Variants in ELAPOR2 observed in about 807,000 individuals in gnomAD.
ELAPOR2 encodes endosome-lysosome associated apoptosis and autophagy regulator family member 2.
Under a neutral mutation model 120.7 loss-of-function variants are expected in ELAPOR2, and 89 were observed. That is an observed-to-expected ratio of 0.74 (90% CI 0.62 to 0.88). ELAPOR2 has a LOEUF of 0.88. Among genes scored for constraint, ELAPOR2 ranks in the 40% least tolerant of loss-of-function variants. The pLI is 0.00. For missense variants in ELAPOR2, 1,134 were observed against 1,251.6 expected, an observed-to-expected ratio of 0.91 and a Z score of 1.42; for synonymous variants, 444 against 444.9, an observed-to-expected ratio of 1.00 and a Z score of 0.03.
In ELAPOR2 at chr7:86,897,501, C is replaced by T. The variant is rs1562904293; in HGVS notation, c.2685+5G>A. Reference sequence around the variant, plus strand: ...GAAGCTCTGCCTTGAGAGTTTATCCCTTACCTGAAATCCTCTCTTGCAGGC... The same window carrying T: ...GAAGCTCTGCCTTGAGAGTTTATCCTTTACCTGAAATCCTCTCTTGCAGGC... On this transcript the variant is annotated splice_donor_5th_base_variant and intron_variant, in intron 19 of 21. Transcript: ENST00000450689. The T allele has an allele frequency of 1.2e-6, 2 of 1,611,804 alleles. No individual in the cohort carries two copies. The highest frequency in any genetic ancestry group is 1.7e-6 in the Non-Finnish European group (2 of 1,178,832).
intron 2 of ELAPOR2, among the ~76,000 whole-genome samples, chr7:86,962,903 TAA>T (rs1429108404): frequency 6.6e-6 from 1 of 152,196 alleles, no homozygotes; most frequent in Non-Finnish European, 1.5e-5. Flanking sequence ...GTGACACAGT[TAA>T]AGTTATGAAC....
Position 86,945,187 on chromosome 7 carries a change from G to T in ELAPOR2, c.507-141C>A, listed in dbSNP as rs546170695. The T allele has an allele frequency of 1.7e-4, 110 of 652,794 alleles. No individual in the cohort carries two copies. The African/African-American group carries it at 2.0e-3, about 12-fold the overall frequency. The allele number at this position is 652,794 out of a possible 1,614,324, so 40.4% of individuals were successfully genotyped here. A position where few individuals can be genotyped will look rare whatever the true frequency, so the allele number is the denominator to read the frequency against. ...ACCAGAAGCTTTTCCAGACTCAAAG[G>T]CCAACTTTATTACTGAGAAGAGGTC... On this transcript the variant is annotated intron_variant, in intron 3 of 21. Transcript: ENST00000450689.
In ELAPOR2 at chr7:86,996,548, C is replaced by G. The variant is rs938485573; in HGVS notation, c.190-31524G>C. Reference sequence around the variant, plus strand: ...ATGTAAGGCCTTAGATATCTTAAAACGGAGATTGGATTTTATCCTCAGTGA... The same window carrying G: ...ATGTAAGGCCTTAGATATCTTAAAAGGGAGATTGGATTTTATCCTCAGTGA... On this transcript the variant is annotated intron_variant, in intron 1 of 21. Transcript: ENST00000450689. Among the ~76,000 whole-genome samples, 13 of 152,228 alleles carry G rather than the reference C, an allele frequency of 8.5e-5. No individual in the cohort carries two copies. In the South Asian group the frequency reaches 1.0e-3, roughly 12 times the overall value.
intron 1 of ELAPOR2, among the ~76,000 whole-genome samples, chr7:86,966,146 C>T (rs1207858832): frequency 6.6e-6 from 1 of 152,142 alleles, no homozygotes; most frequent in Non-Finnish European, 1.5e-5. Flanking sequence ...GCCATTCCTT[C>T]AGCACTTTGC....
chr7:86,985,763 C>T (rs1227088736), intron 1 of ELAPOR2, among the ~76,000 whole-genome samples: 2 of 151,872 alleles, frequency 1.3e-5, no homozygotes, highest in Non-Finnish European at 2.9e-5. Context: ...GTGTGCTGCA[C>T]CCATTAACTC....
chr7:87,033,093 T>C (rs911437737), intron 1 of ELAPOR2, among the ~76,000 whole-genome samples: 2 of 152,198 alleles, frequency 1.3e-5, no homozygotes, highest in African/African-American at 4.8e-5. Flanking sequence ...TGGAGAGCTG[T>C]AAGCATAATA....
rs778322507 is a variant in ELAPOR2 at position 86,909,861 on chromosome 7, G to A, written c.2310C>T (p.Phe770=). 1.9e-6 allele frequency: 3 copies of A among 1,613,190 alleles called. No homozygotes were observed. The highest frequency in any genetic ancestry group is 1.7e-6 in the Non-Finnish European group (2 of 1,179,512). ...STIIPSESKG[F]RAALSSQSII... ...TGGATTGTGATGATAAGGCTGCTCG[G>A]AAACCCTTACTTTCAGAAGGAATAA... The change falls in exon 16 of 22, where the codon TTC becomes TTT. Residue 770 remains phenylalanine, a synonymous_variant. Coordinates refer to ENST00000450689, the MANE Select transcript of ELAPOR2 (RefSeq NM_001142749.3).
intron 2 of ELAPOR2, among the ~76,000 whole-genome samples, chr7:86,948,161 T>C (rs555902658): frequency 6.6e-6 from 1 of 152,290 alleles, no homozygotes; most frequent in Non-Finnish European, 1.5e-5. Flanking sequence ...CCCAAAATAT[T>C]TCATCCTCTC....
At chr7:86,961,718 C>T (rs534882803) in intron 2 of ELAPOR2, among the ~76,000 whole-genome samples, 29 of 152,290 alleles carry the variant, frequency 1.9e-4, no homozygotes, top group African/African-American at 7.0e-4. Flanking sequence ...TGGATTGGAA[C>T]AGGGGTTACA....
chr7:86,983,235 A>T (rs2116563242), intron 1 of ELAPOR2, among the ~76,000 whole-genome samples: 1 of 152,378 alleles, frequency 6.6e-6, no homozygotes, highest in African/African-American at 2.4e-5. Context: ...AGTGACGGGC[A>T]GAATGGAACC....
At chr7:86,957,003 T>G (rs1176819477) in intron 2 of ELAPOR2, among the ~76,000 whole-genome samples, 1 of 152,236 alleles carries the variant, frequency 6.6e-6, no homozygotes, top group Non-Finnish European at 1.5e-5. Flanking sequence ...TCTGCAGTTT[T>G]GAGGGCTGAG....
chr7:86,923,717 A>T (rs1789931866), intron 10 of ELAPOR2, among the ~76,000 whole-genome samples: 1 of 152,104 alleles, frequency 6.6e-6, no homozygotes, highest in African/African-American at 2.4e-5. Flanking sequence ...ATGATTGCAT[A>T]ATATTTCATT....
intron 1 of ELAPOR2, among the ~76,000 whole-genome samples, chr7:87,025,130 C>T (rs1562973279): frequency 6.6e-6 from 1 of 151,976 alleles, no homozygotes; most frequent in Non-Finnish European, 1.5e-5. Flanking sequence ...TTGAGGAATA[C>T]TAAGTATTTC....
chr7:87,049,517 C>T (rs538869013), intron 1 of ELAPOR2, among the ~76,000 whole-genome samples: 6 of 152,248 alleles, frequency 3.9e-5, no homozygotes, highest in African/African-American at 1.4e-4. Flanking sequence ...CTCCTGACCT[C>T]GTGATCCGCC....
At chr7:86,986,478 A>G (rs917434228) in intron 1 of ELAPOR2, among the ~76,000 whole-genome samples, 1 of 145,234 alleles carries the variant, frequency 6.9e-6, no homozygotes, top group African/African-American at 2.7e-5. Flanking sequence ...AATCTCCTTA[A>G]GCTGATAAGC....
intron 8 of ELAPOR2, among the ~76,000 whole-genome samples, chr7:86,936,009 T>C (rs1437769037): frequency 1.3e-5 from 2 of 152,058 alleles, no homozygotes; most frequent in Non-Finnish European, 2.9e-5. Flanking sequence ...GTCATGTCGA[T>C]GGTAATGTTT....
chr7:87,014,896 C>T (rs1407422949), intron 1 of ELAPOR2, among the ~76,000 whole-genome samples: 1 of 151,910 alleles, frequency 6.6e-6, no homozygotes, highest in African/African-American at 2.4e-5. Flanking sequence ...ATGATGGTTT[C>T]ACAGGTGTAT....
intron 1 of ELAPOR2, among the ~76,000 whole-genome samples, chr7:86,971,652 A>G (rs899553167): frequency 6.6e-6 from 1 of 152,138 alleles, no homozygotes. Context: ...AAGAGAGCAG[A>G]GTAAAGGATT....
intron 1 of ELAPOR2, among the ~76,000 whole-genome samples, chr7:86,969,415 T>A (rs1792030165): frequency 6.6e-6 from 1 of 152,318 alleles, no homozygotes; most frequent in East Asian, 1.9e-4. Context: ...TGACCATATA[T>A]ATTTTTATAT....
Sources: allele counts gnomAD v4.1 joint callset (sites outside exome capture counted in the v4.1 genomes callset), GRCh38; gene constraint gnomAD v4.1.1; transcripts MANE v1.5; gene names NCBI Gene and HGNC (gene_info 2026-07-23, HGNC 2026-07-21).